The following GDF6 variants were observed in gnomAD, a reference collection of about 807,000 sequenced individuals.
The protein encoded by GDF6 is growth differentiation factor 6.
GDF6 carries 3 observed loss-of-function variants against 32.4 expected under a neutral mutation model. That is an observed-to-expected ratio of 0.09 (90% CI 0.04 to 0.24). The LOEUF is 0.24. Ranked by LOEUF, GDF6 falls within the 10% of genes least tolerant of loss-of-function variation. The probability of loss-of-function intolerance (pLI) is 1.00; values close to 1 mark genes in which losing one functional copy is unlikely to be tolerated. For synonymous variants in GDF6, 296 were observed against 295.3 expected, an observed-to-expected ratio of 1.00 and a Z score of -0.03; for missense variants, 589 against 637.9, an observed-to-expected ratio of 0.92 and a Z score of 0.83.
chr8:96,155,294 T>TCTTA (rs1302934955), intron 1 of GDF6, among the ~76,000 whole-genome samples: 1 of 152,200 alleles, frequency 6.6e-6, no homozygotes, highest in Non-Finnish European at 1.5e-5. Flanking sequence ...TACTAGGTGG[T>TCTTA]CTTTCTTTCT....
intron 1 of GDF6, among the ~76,000 whole-genome samples, chr8:96,146,595 G>A (rs1294679862): frequency 2.0e-5 from 3 of 152,004 alleles, no homozygotes; most frequent in Non-Finnish European, 2.9e-5. Flanking sequence ...TCTGTCCATT[G>A]AGAACATCCT....
chr8:96,153,421 C>T (rs547660237), intron 1 of GDF6, among the ~76,000 whole-genome samples: 1 of 152,218 alleles, frequency 6.6e-6, no homozygotes, highest in Non-Finnish European at 1.5e-5. Context: ...CCGAAGCTCT[C>T]GTACTGTTCC....
Position 96,145,197 on chromosome 8 carries a change from G to T in GDF6, c.734C>A (p.Ala245Asp). The change falls in exon 2 of 2, where the codon GCC becomes GAC. Residue 245 changes from alanine to aspartate, a missense_variant. Physicochemically the swap from Ala to Asp is moderately radical, Grantham distance 126 (BLOSUM62 -2). Transcript: ENST00000287020. This position sits in a 1 kb window ranked among gnomAD's most constrained non-coding sequence, Gnocchi z 5.6. The part of the protein sequence containing the change: ...AAWGELDAGE[A>D]EARARGPQQP... ...CTGGGGTCCCCGCGCGCGCGCCTCG[G>T]CCTCCCCGGCGTCCAGCTCGCCCCA... The T allele has an allele frequency of 6.7e-7, 1 of 1,499,982 alleles. No individual in the cohort carries two copies. The highest frequency in any genetic ancestry group is 1.4e-5 in the African/African-American group (1 of 68,978). 92.9% of individuals were successfully genotyped at this position (1,499,982 alleles called of 1,614,324 possible).
rs762654952 is a variant in GDF6, at chr8:96,145,167, G to T, written c.764C>A (p.Pro255Gln). 6.7e-7 allele frequency: 1 copy of T among 1,499,190 alleles called. No individual in the cohort carries two copies. 92.9% of individuals were successfully genotyped at this position (1,499,190 alleles called of 1,614,324 possible). A position where few individuals can be genotyped will look rare whatever the true frequency, so the allele number is the denominator to read the frequency against. The change falls in exon 2 of 2, where the codon CCG becomes CAG. Residue 255 changes from proline to glutamine, a missense_variant. Physicochemically the swap from Pro to Gln is moderately conservative, Grantham distance 76. This residue lies in a region of GDF6 where 436 missense variants were observed against 411.2 expected (regional missense o/e 1.06). Transcript: ENST00000287020. The surrounding 1 kb of genome is among the most constrained non-coding windows in gnomAD (Gnocchi z 5.6). ...AEARARGPQQPPPPDLRSLGF... is the reference protein window; with the variant it reads ...AEARARGPQQQPPPDLRSLGF... ...CAGACTCCGCAGGTCCGGGGGCGGC[G>T]GTTGCTGGGGTCCCCGCGCGCGCGC...
Position 96,145,586 on chromosome 8 carries a change from T to C in GDF6, c.407-62A>G, listed in dbSNP as rs1586119013. On this transcript the variant is annotated intron_variant, in intron 1 of 1. Transcript: ENST00000287020. The surrounding 1 kb of genome is among the most constrained non-coding windows in gnomAD (Gnocchi z 5.6). ...AAGGGGGAGATCAGCCCGGTGCTCT[T>C]CGGCCGCCCCGGGAGGAAAAGGGCG... 6.3e-7 allele frequency: 1 copy of C among 1,592,280 alleles called. No individual in the cohort carries two copies. The highest frequency in any genetic ancestry group is 2.2e-5 in the East Asian group (1 of 44,792).
rs367883918 is a variant in GDF6, at chr8:96,160,412, G to A, written c.281C>T (p.Pro94Leu). The A allele has an allele frequency of 6.2e-7, 1 of 1,614,028 alleles. No homozygotes were observed. Among genetic ancestry groups the A allele is most frequent in the African/African-American group, 1.3e-5 (1 of 74,936 alleles). ...EPPGRGPRVV[P>L]HEYMLSIYRT... The stretch of plus-strand genomic sequence containing the variant: ...GTAGATTGACAGCATGTACTCGTGG[G>A]GCACCACGCGCGGACCCCTGCCTGG... The change falls in exon 1 of 2, where the codon CCC becomes CTC. Residue 94 changes from proline (P) to leucine (L), a missense_variant. Pro to Leu is a moderately conservative substitution (Grantham distance 98, BLOSUM62 -3). Coordinates refer to ENST00000287020, the MANE Select transcript of GDF6 (RefSeq NM_001001557.4).
At chr8:96,147,185 C>T (rs1054596875) in intron 1 of GDF6, among the ~76,000 whole-genome samples, 1 of 151,612 alleles carries the variant, frequency 6.6e-6, no homozygotes, top group African/African-American at 2.4e-5. Flanking sequence ...AGTTTGTACT[C>T]GGGGCTGACC....
intron 1 of GDF6, among the ~76,000 whole-genome samples, chr8:96,159,774 G>T (rs1432252019): frequency 6.6e-6 from 1 of 152,234 alleles, no homozygotes; most frequent in Admixed American, 6.5e-5. Context: ...AGGACCAGGG[G>T]GCTGCCCGAC....
chr8:96,157,998 C>T (rs532789776), intron 1 of GDF6, among the ~76,000 whole-genome samples: 1 of 152,316 alleles, frequency 6.6e-6, no homozygotes, highest in South Asian at 2.1e-4. Context: ...ACTCCTTCAC[C>T]CCCGCGCGGC....
rs1408613355 is a variant in GDF6 at position 96,145,406 on chromosome 8, C to T, written c.525G>A (p.Ala175=). The T allele has an allele frequency of 1.3e-6, 2 of 1,583,302 alleles. No homozygotes were observed. The highest frequency in any genetic ancestry group is 2.7e-5 in the African/African-American group (2 of 74,730). The change falls in exon 2 of 2, where the codon GCG becomes GCA. Residue 175 remains alanine (A), a synonymous_variant. Coordinates refer to ENST00000287020, the MANE Select transcript of GDF6 (RefSeq NM_001001557.4). This position sits in a 1 kb window ranked among gnomAD's most constrained non-coding sequence, Gnocchi z 5.6. The part of the protein sequence containing the change: ...ELRLFRQAPS[A]PWGPPAGPLH... ...GCGGCCCGGCTGGTGGCCCCCAGGG[C>T]GCTGAGGGCGCCTGGCGAAAGAGCC...
chr8:96,146,604 C>G (rs754199599), intron 1 of GDF6, among the ~76,000 whole-genome samples: 1 of 151,854 alleles, frequency 6.6e-6, no homozygotes, highest in Non-Finnish European at 1.5e-5. Flanking sequence ...TGAGAACATC[C>G]TGCAGTCAAT....
intron 1 of GDF6, among the ~76,000 whole-genome samples, chr8:96,152,327 A>G (rs936003518): frequency 6.6e-6 from 1 of 152,190 alleles, no homozygotes; most frequent in Non-Finnish European, 1.5e-5. Flanking sequence ...TCAAGGATCC[A>G]GCCCTTCTTG....
chr8:96,149,283 G>A (rs550247571), intron 1 of GDF6, among the ~76,000 whole-genome samples: 21 of 152,316 alleles, frequency 1.4e-4, no homozygotes, highest in Non-Finnish European at 2.5e-4. Flanking sequence ...AGAAATACAT[G>A]GTGGGAGTTT....
intron 1 of GDF6, among the ~76,000 whole-genome samples, chr8:96,150,865 A>G (rs534437938): frequency 6.6e-6 from 1 of 152,258 alleles, no homozygotes; most frequent in African/African-American, 2.4e-5. Context: ...CTTTACTACA[A>G]AGAAGACCTC....
intron 1 of GDF6, among the ~76,000 whole-genome samples, chr8:96,149,485 C>T (rs558276789): frequency 2.0e-5 from 3 of 152,188 alleles, no homozygotes; most frequent in Non-Finnish European, 4.4e-5. Flanking sequence ...AAGGAACAAA[C>T]CGTGGCATGT....
chr8:96,148,297 G>A (rs1336545521), intron 1 of GDF6, among the ~76,000 whole-genome samples: 1 of 152,226 alleles, frequency 6.6e-6, no homozygotes, highest in Admixed American at 6.5e-5. Context: ...AGTTTCACAG[G>A]TGCACACATC....
chr8:96,147,423 C>T (rs76595269), intron 1 of GDF6, among the ~76,000 whole-genome samples: 19,184 of 152,228 alleles, frequency 0.13, 1,395 homozygotes, highest in Middle Eastern at 0.18. Flanking sequence ...GATCTCTGGA[C>T]GTACTGCCTT....
intron 1 of GDF6, among the ~76,000 whole-genome samples, chr8:96,156,513 C>T (rs1812668145): frequency 6.6e-6 from 1 of 152,078 alleles, no homozygotes; most frequent in Admixed American, 6.6e-5. Flanking sequence ...GGCCCCAGGG[C>T]TGGGGGTCCA....
chr8:96,156,234 C>T (rs528320811), intron 1 of GDF6, among the ~76,000 whole-genome samples: 1 of 152,188 alleles, frequency 6.6e-6, no homozygotes, highest in Non-Finnish European at 1.5e-5. Context: ...ATCTGGAAAC[C>T]TAACTCACAG....
Sources: allele counts gnomAD v4.1 joint callset (sites outside exome capture counted in the v4.1 genomes callset), GRCh38; gene constraint gnomAD v4.1.1; regional missense constraint gnomAD v4.1.1; non-coding constraint Gnocchi (gnomAD v3.1); transcripts MANE v1.5; gene names NCBI Gene and HGNC (gene_info 2026-07-23, HGNC 2026-07-21).